Variants in TRPC4 observed in about 807,000 individuals in gnomAD.
TRPC4 encodes transient receptor potential cation channel subfamily C member 4, also known as short transient receptor potential channel 4.
Under a neutral mutation model 99.4 loss-of-function variants are expected in TRPC4, and 49 were observed. That is an observed-to-expected ratio of 0.49 (90% confidence interval 0.39 to 0.63). The LOEUF (loss-of-function observed/expected upper bound fraction) is 0.63, where lower values mean the gene tolerates loss of function less well. TRPC4 is among the 20% of genes least tolerant of loss of function. TRPC4 has a pLI of 0.00. For synonymous variants in TRPC4, 454 were observed against 425.9 expected, an observed-to-expected ratio of 1.07 and a Z score of -0.81; for missense variants, 898 against 1,152.9, an observed-to-expected ratio of 0.78 and a Z score of 3.20.
Position 37,826,461 on chromosome 13 carries a change from C to T in TRPC4, c.-27-43101G>A, listed in dbSNP as rs866025803. Among the ~76,000 whole-genome samples the T allele has an allele frequency of 4.3e-3, 604 of 141,562 alleles. 6 individuals carry two copies. Among genetic ancestry groups the T allele is most frequent in the African/African-American group, 0.015 (561 of 37,426 alleles). The allele number at this position is 141,562 out of a possible 152,430, so 92.9% of individuals were successfully genotyped here. ...GCTTCCTTCAGGAGCTCTTTTAGGG[C>T]AGGCCTGGTGGTGACAAAATCTCTC... On this transcript the variant is annotated intron_variant, in intron 1 of 10. Transcript: ENST00000379705.
chr13:37,857,537 C>A (rs941259634), intron 1 of TRPC4, among the ~76,000 whole-genome samples: 3 of 151,384 alleles, frequency 2.0e-5, no homozygotes, highest in Non-Finnish European at 4.4e-5. Context: ...CTATAGTAAC[C>A]AAAACAACAT....
At chr13:37,725,945 T>A (rs1281090353) in intron 3 of TRPC4, among the ~76,000 whole-genome samples, 2 of 152,034 alleles carry the variant, frequency 1.3e-5, no homozygotes, top group Non-Finnish European at 2.9e-5. Context: ...CACCTGTAAT[T>A]CCAGCACTTT....
intron 2 of TRPC4, among the ~76,000 whole-genome samples, chr13:37,746,864 C>T (rs1213487754): frequency 2.0e-5 from 3 of 152,044 alleles, no homozygotes; most frequent in Admixed American, 6.6e-5. Flanking sequence ...TTGTTTTAAA[C>T]CCAAGCTCTT....
intron 8 of TRPC4, 56 bp from the exon 9 acceptor site, chr13:37,639,355 A>G (rs1951642933): frequency 6.6e-7 from 1 of 1,514,440 alleles, no homozygotes; most frequent in African/African-American, 1.4e-5. Flanking sequence ...CTATTCTAAA[A>G]AATAATTTAT....
At chr13:37,827,626 C>A (rs576316370) in intron 1 of TRPC4, among the ~76,000 whole-genome samples, 1 of 152,148 alleles carries the variant, frequency 6.6e-6, no homozygotes, top group Non-Finnish European at 1.5e-5. Flanking sequence ...GCAGTCTGCC[C>A]ATTCTCAGAT....
At chr13:37,643,680 G>A (rs1593418871) in intron 8 of TRPC4, among the ~76,000 whole-genome samples, 1 of 152,234 alleles carries the variant, frequency 6.6e-6, no homozygotes, top group East Asian at 1.9e-4. Context: ...GATTGTAGTG[G>A]GAAATTAGCG....
intron 1 of TRPC4, among the ~76,000 whole-genome samples, chr13:37,847,816 A>G (rs543505205): frequency 2.6e-5 from 4 of 152,266 alleles, no homozygotes; most frequent in Admixed American, 2.6e-4. Flanking sequence ...AAATATATAC[A>G]GTGGACTCAT....
rs993109162 is a variant in TRPC4 at position 37,826,861 on chromosome 13, A to G, written c.-28+42734T>C. On this transcript the variant is annotated intron_variant, in intron 1 of 10. Transcript: ENST00000379705. ...GAAGTTCTCCTGGATAATATCTTGC[A>G]GAGTGTTTTCCAACTTGGTTCCATT... Among the ~76,000 whole-genome samples, 921 of 152,262 alleles carry G rather than the reference A, an allele frequency of 6.0e-3. 4 individuals carry two copies. Among genetic ancestry groups the G allele is most frequent in the African/African-American group, 0.021 (871 of 41,534 alleles).
chr13:37,638,684 G>A (rs569844234), intron 10 of TRPC4, among the ~76,000 whole-genome samples: 17 of 152,202 alleles, frequency 1.1e-4, no homozygotes, highest in Admixed American at 1.1e-3. Context: ...TGCTATCAAA[G>A]TTTTTCAGAA....
intron 3 of TRPC4, among the ~76,000 whole-genome samples, chr13:37,696,608 T>A (rs1375917940): frequency 6.6e-6 from 1 of 152,160 alleles, no homozygotes; most frequent in East Asian, 1.9e-4. Flanking sequence ...CACAAGGAAG[T>A]CTCAGCTGAC....
In TRPC4 at chr13:37,741,506, G is replaced by A. The variant is rs563508088; in HGVS notation, c.897+4431C>T. ...ATTGGCATCGGGATGGGAGTGCTTG[G>A]TCAAGGGAGCAACCTTAAACCTTAA... is the stretch of plus-strand genomic sequence containing the variant. On this transcript the variant is annotated intron_variant, in intron 3 of 10. Coordinates refer to ENST00000379705, the MANE Select transcript of TRPC4 (RefSeq NM_016179.4). Among the ~76,000 whole-genome samples, 14 of 152,256 alleles carry A rather than the reference G, an allele frequency of 9.2e-5. No homozygotes were observed. The South Asian group carries it at 2.9e-3, about 32-fold the overall frequency.
At position 37,655,184 on chromosome 13, in the gene TRPC4, A is replaced by G. The variant is rs1952185473; in HGVS notation, c.1788T>C (p.Val596=). The change falls in exon 7 of 11, where the codon GTT becomes GTC. Residue 596 remains valine, a synonymous_variant. Transcript: ENST00000379705. ...VKAQHEFTEF[V]GATMFGTYNV... The stretch of plus-strand genomic sequence containing the variant: ...TGTATGTCCCAAACATGGTGGCACC[A>G]ACAAACTCAGTAAATTCATGCTGTG... 6.2e-7 allele frequency: 1 copy of G among 1,608,766 alleles called. No individual in the cohort carries two copies. The highest frequency in any genetic ancestry group is 8.5e-7 in the Non-Finnish European group (1 of 1,176,994).
At chr13:37,749,344 G>A (rs79982697) in intron 2 of TRPC4, among the ~76,000 whole-genome samples, 1,536 of 152,066 alleles carry the variant, frequency 0.01, 13 homozygotes, top group South Asian at 0.03. Context: ...AATTATTTTA[G>A]AGCTTACTCT....
chr13:37,773,009 A>C (rs1201288725), intron 2 of TRPC4, among the ~76,000 whole-genome samples: 2 of 151,750 alleles, frequency 1.3e-5, no homozygotes, highest in Non-Finnish European at 2.9e-5. Context: ...ATCTAAGAGG[A>C]ATTGAGAAAA....
chr13:37,710,734 A>G (rs1954455716), intron 3 of TRPC4, among the ~76,000 whole-genome samples: 2 of 151,878 alleles, frequency 1.3e-5, no homozygotes, highest in South Asian at 4.1e-4. Context: ...ATGGGTCTTG[A>G]ATCTGTCTTG....
intron 1 of TRPC4, among the ~76,000 whole-genome samples, chr13:37,793,536 G>A (rs990896054): frequency 6.8e-6 from 1 of 146,278 alleles, no homozygotes; most frequent in African/African-American, 2.5e-5. Flanking sequence ...TGACAAAGAA[G>A]AGTTTATTAA....
intron 4 of TRPC4, among the ~76,000 whole-genome samples, chr13:37,683,273 T>C (rs566793296): frequency 1.3e-5 from 2 of 152,216 alleles, no homozygotes; most frequent in Admixed American, 6.5e-5. Flanking sequence ...TCCCCCTGGG[T>C]TCAGCTCATC....
chr13:37,673,110 G>A (rs1275130455), intron 5 of TRPC4, among the ~76,000 whole-genome samples: 3 of 107,860 alleles, frequency 2.8e-5, no homozygotes, highest in South Asian at 3.0e-4. Flanking sequence ...CCCACCCCGC[G>A]ACAGGCCCCA....
chr13:37,718,695 A>C (rs1007601812), intron 3 of TRPC4, among the ~76,000 whole-genome samples: 10 of 152,294 alleles, frequency 6.6e-5, no homozygotes, highest in Admixed American at 2.6e-4. Context: ...AGAGTAAGAC[A>C]AGCCAAACAC....
Sources: allele counts gnomAD v4.1 joint callset (sites outside exome capture counted in the v4.1 genomes callset), GRCh38; gene constraint gnomAD v4.1.1; transcripts MANE v1.5; gene names NCBI Gene and HGNC (gene_info 2026-07-23, HGNC 2026-07-21).